BZW2: variants seen among roughly 807,000 people sequenced by gnomAD.
BZW2 encodes the protein basic leucine zipper and W2 domains 2.
BZW2 carries 23 observed loss-of-function variants against 53.2 expected under a neutral mutation model. The ratio of observed to expected loss-of-function variants is 0.43; its 90% CI spans 0.31 to 0.61. The LOEUF (loss-of-function observed/expected upper bound fraction) is 0.61, where lower values mean the gene tolerates loss of function less well. Among genes scored for constraint, BZW2 ranks in the 20% least tolerant of loss-of-function variants. BZW2 has a pLI of 0.09. For synonymous variants in BZW2, 227 were observed against 186.4 expected (o/e 1.22, Z -1.77); for missense variants, 409 against 503.1 (o/e 0.81, Z 1.79).
rs979325287 is a variant in BZW2, at chr7:16,699,851, C to A, written c.1108+1665C>A. Among the ~76,000 whole-genome samples, 6 of 152,274 alleles carry A rather than the reference C, an allele frequency of 3.9e-5. No individual in the cohort carries two copies. The East Asian group carries it at 1.2e-3, about 29-fold the overall frequency. ...TACTGACAGGTAGTAAAACTGGCTA[C>A]TTTGAGTTTTTTCTTCTTCATCAGC... On this transcript the variant is annotated intron_variant, in intron 10 of 11. Coordinates refer to ENST00000258761, the MANE Select transcript of BZW2 (RefSeq NM_014038.3).
At chr7:16,661,576 G>T (rs1030323552) in intron 1 of BZW2, among the ~76,000 whole-genome samples, 3 of 152,080 alleles carry the variant, frequency 2.0e-5, no homozygotes, top group Non-Finnish European at 4.4e-5. Flanking sequence ...CTTAAAATAG[G>T]AATTTATGCA....
intron 1 of BZW2, among the ~76,000 whole-genome samples, chr7:16,660,140 T>C (rs1782216616): frequency 6.6e-6 from 1 of 152,142 alleles, no homozygotes; most frequent in Non-Finnish European, 1.5e-5. Context: ...GCTTCATCCA[T>C]GTCCCTACAA....
chr7:16,701,788 A>T (rs1018873785), intron 10 of BZW2, among the ~76,000 whole-genome samples: 1 of 152,206 alleles, frequency 6.6e-6, no homozygotes, highest in Non-Finnish European at 1.5e-5. Context: ...TGGAAATGAG[A>T]TGAACAAAAT....
intron 1 of BZW2, among the ~76,000 whole-genome samples, chr7:16,665,230 C>T (rs1041055114): frequency 5.9e-5 from 9 of 151,644 alleles, no homozygotes; most frequent in African/African-American, 2.2e-4. Flanking sequence ...CACTTGAACC[C>T]GGGATGCAGA....
At chr7:16,651,340 A>G (rs1263836208) in intron 1 of BZW2, among the ~76,000 whole-genome samples, 1 of 152,248 alleles carries the variant, frequency 6.6e-6, no homozygotes, top group South Asian at 2.1e-4. Flanking sequence ...ATAAGGGATA[A>G]TAACGTTTAG....
chr7:16,674,551 C>T lies in BZW2; in HGVS notation c.198C>T (p.Asp66=). The T allele has an allele frequency of 6.2e-7, 1 of 1,609,208 alleles. No homozygotes were observed. The highest frequency in any genetic ancestry group is 8.5e-7 in the Non-Finnish European group (1 of 1,177,248). ...GSRLDYRRYA[D]TLFDILVAGS... The stretch of plus-strand genomic sequence containing the variant: ...GATTAGATTATCGTCGCTATGCAGA[C>T]ACACTCTTCGATATCCTGGTGGCTG... Residue 66 remains aspartate (D), a synonymous_variant, in exon 3 of 12, where the codon GAC becomes GAT. Coordinates refer to ENST00000258761, the MANE Select transcript of BZW2 (RefSeq NM_014038.3).
chr7:16,691,268 G>C (rs1243671931), intron 7 of BZW2, among the ~76,000 whole-genome samples: 1 of 152,176 alleles, frequency 6.6e-6, no homozygotes, highest in Non-Finnish European at 1.5e-5. Flanking sequence ...GGATAGAAAA[G>C]TTGCCTGCCC....
intron 3 of BZW2, among the ~76,000 whole-genome samples, chr7:16,675,223 C>T (rs1275123600): frequency 6.6e-6 from 1 of 152,168 alleles, no homozygotes; most frequent in Non-Finnish European, 1.5e-5. Context: ...CATAGTCATT[C>T]TTAGATCTGA....
chr7:16,683,191 A>T (rs997997337), intron 5 of BZW2, among the ~76,000 whole-genome samples: 3 of 152,190 alleles, frequency 2.0e-5, no homozygotes, highest in African/African-American at 7.2e-5. Flanking sequence ...GCAAGACTCC[A>T]TCTCAAAAAA....
chr7:16,689,249 ATAAAT>A (rs2128365350), intron 6 of BZW2, among the ~76,000 whole-genome samples: 1 of 152,324 alleles, frequency 6.6e-6, no homozygotes, highest in Non-Finnish European at 1.5e-5. Flanking sequence ...ATAAAAATAA[ATAAAT>A]AAAATGCTTT....
intron 2 of BZW2, among the ~76,000 whole-genome samples, chr7:16,671,608 T>A (rs1348061664): frequency 6.6e-6 from 1 of 152,122 alleles, no homozygotes; most frequent in East Asian, 1.9e-4. Context: ...TCAGTATATG[T>A]ATGTTCGTAT....
At chr7:16,680,875 G>A (rs796759268) in intron 3 of BZW2, among the ~76,000 whole-genome samples, 38 of 152,240 alleles carry the variant, frequency 2.5e-4, no homozygotes, top group African/African-American at 9.2e-4. Context: ...GGAGGCTGAG[G>A]TGGGCGGATC....
At chr7:16,691,626 CA>C (rs1359419538) in intron 7 of BZW2, among the ~76,000 whole-genome samples, 1 of 152,208 alleles carries the variant, frequency 6.6e-6, no homozygotes, top group Non-Finnish European at 1.5e-5. Flanking sequence ...TGGGAAAATC[CA>C]ATCCACTAAT....
At chr7:16,700,934 T>A (rs1783648042) in intron 10 of BZW2, 1 of 152,140 alleles carries the variant, frequency 6.6e-6, no homozygotes, top group African/African-American at 2.4e-5. Context: ...AACATATACA[T>A]GGACACACAC....
At chr7:16,663,963 A>T (rs1312647340) in intron 1 of BZW2, among the ~76,000 whole-genome samples, 1 of 152,198 alleles carries the variant, frequency 6.6e-6, no homozygotes, top group Non-Finnish European at 1.5e-5. Flanking sequence ...CCATTAAGGT[A>T]AACCAAAAAG....
intron 1 of BZW2, among the ~76,000 whole-genome samples, chr7:16,649,693 T>G (rs1290577663): frequency 6.6e-6 from 1 of 152,172 alleles, no homozygotes; most frequent in African/African-American, 2.4e-5. Flanking sequence ...TAATAAGAAA[T>G]TTTGATTTTT....
At chr7:16,677,328 G>A (rs1782796798) in intron 3 of BZW2, among the ~76,000 whole-genome samples, 3 of 152,114 alleles carry the variant, frequency 2.0e-5, no homozygotes, top group Admixed American at 1.3e-4. Flanking sequence ...GGTGGATGTG[G>A]TCACCTTCCC....
At chr7:16,681,466 CT>C in intron 4 of BZW2, 62 bp downstream of exon 4, 1 of 1,314,862 alleles carries the variant, frequency 7.6e-7, no homozygotes, top group Non-Finnish European at 1.1e-6. Flanking sequence ...TATAGAAGCT[CT>C]ACAGTCCACC....
intron 1 of BZW2, among the ~76,000 whole-genome samples, chr7:16,660,274 G>T (rs879659338): frequency 1.3e-5 from 2 of 151,784 alleles, no homozygotes; most frequent in African/African-American, 4.8e-5. Flanking sequence ...AATTAGCCGG[G>T]CCTGGTAGTG....
Sources: gnomAD v4.1 joint callset for allele counts (sites outside exome capture counted in the v4.1 genomes callset) on GRCh38, gnomAD v4.1.1 for gene constraint, MANE v1.5 for transcripts, NCBI Gene and HGNC (gene_info 2026-07-23, HGNC 2026-07-21) for gene names.